PLK2: variants seen among roughly 807,000 people sequenced by gnomAD.
The protein encoded by PLK2 is serine/threonine-protein kinase PLK2.
PLK2 carries 25 observed loss-of-function variants against 78.1 expected under a neutral mutation model. The ratio of observed to expected loss-of-function variants is 0.32; its 90% CI spans 0.23 to 0.45. The LOEUF is 0.45. PLK2 is among the 20% of genes least tolerant of loss of function. The probability of loss-of-function intolerance (pLI) is 1.00; values close to 1 mark genes in which losing one functional copy is unlikely to be tolerated. For missense variants in PLK2, 566 were observed against 840.2 expected, an observed-to-expected ratio of 0.67 and a Z score of 4.04; for synonymous variants, 332 against 298.2, an observed-to-expected ratio of 1.11 and a Z score of -1.17.
At chr5:58,456,223 T>C (rs1743599988) in intron 9 of PLK2, 68 bp from the exon 10 acceptor site, 2 of 1,478,342 alleles carry the variant, frequency 1.4e-6, no homozygotes. Context: ...GAATTCCAGA[T>C]TAAGATGAGA....
chr5:58,458,227 T>G, intron 4 of PLK2, 56 bp from the exon 5 acceptor site: 1 of 1,355,580 alleles, frequency 7.4e-7, no homozygotes, highest in South Asian at 1.2e-5. Flanking sequence ...TCTAACCAAG[T>G]ACACACACAT....
intron 1 of PLK2, 144 bp from the exon 2 acceptor site, chr5:58,459,236 C>T: frequency 1.6e-6 from 1 of 617,712 alleles, no homozygotes; most frequent in Non-Finnish European, 2.9e-6. Context: ...GGGAGGCATT[C>T]GACTTCGTTA....
chr5:58,459,801 C>A lies in PLK2; in HGVS notation c.159G>T (p.Pro53=). Residue 53 remains proline, a synonymous_variant, in exon 1 of 14, where the codon CCG becomes CCT. Coordinates refer to ENST00000274289, the MANE Select transcript of PLK2 (RefSeq NM_006622.4). ...GGTGGTGATGGTGGTGAGGGGCCGC[C>A]GGGGGCACTTGCGCCTGGGACTGAG... ...QPPQSQAQVP[P]AAPHHHHHHS... The A allele has an allele frequency of 6.2e-7, 1 of 1,608,898 alleles. No homozygotes were observed.
intron 8 of PLK2, 100 bp from the exon 9 acceptor site, chr5:58,456,689 T>G: frequency 1.2e-6 from 1 of 804,498 alleles, no homozygotes; most frequent in South Asian, 1.8e-5. Flanking sequence ...GACCAACTTA[T>G]GAGCATCCTG....
At position 58,457,066 on chromosome 5, in the gene PLK2, A is replaced by G; in HGVS notation, c.1035T>C (p.Ser345=). Residue 345 remains serine (S), a synonymous_variant, in exon 8 of 14, where the codon TCT becomes TCC. Coordinates refer to ENST00000274289, the MANE Select transcript of PLK2 (RefSeq NM_006622.4). ...AATCTGGAACTGTATGACAACAGCT[A>G]GAAGACAGTCTGTCCGGAGTGAAGC... ...LQGFTPDRLS[S]SCCHTVPDFH... The G allele has an allele frequency of 6.2e-7, 1 of 1,613,816 alleles. No individual in the cohort carries two copies. Among genetic ancestry groups the G allele is most frequent in the Non-Finnish European group, 8.5e-7 (1 of 1,179,854 alleles).
At chr5:58,458,201 C>G (rs762106690) in intron 4 of PLK2, 30 bp from the exon 5 acceptor site, 1 of 1,493,930 alleles carries the variant, frequency 6.7e-7, no homozygotes, top group Non-Finnish European at 9.3e-7. Flanking sequence ...AAATGTGAAT[C>G]CCTTTGAAAA....
chr5:58,455,128 C>T, intron 12 of PLK2, 107 bp from the exon 13 acceptor site: 3 of 1,135,376 alleles, frequency 2.6e-6, no homozygotes, highest in South Asian at 1.4e-5. Context: ...ATCAGAATGG[C>T]TTTGGAAATC....
rs1326371047 is a variant in PLK2, at chr5:58,454,608, T to C, written c.2033A>G (p.Asn678Ser). Reference protein sequence around the residue: ...ELKNRMEYALNMLLQRCN With the variant: ...ELKNRMEYALSMLLQRCN Reference sequence around the variant, plus strand: ...TCAGTTACATCTTTGTAAGAGCATGTTCAGGGCATATTCCATTCGATTTTT... The same window carrying C: ...TCAGTTACATCTTTGTAAGAGCATGCTCAGGGCATATTCCATTCGATTTTT... Residue 678 changes from asparagine to serine, a missense_variant, in exon 14 of 14, where the codon AAC becomes AGC. This residue lies in a region of PLK2 where 130 missense variants were observed against 196.4 expected (regional missense o/e 0.66). Coordinates refer to ENST00000274289, the MANE Select transcript of PLK2 (RefSeq NM_006622.4). 2.5e-6 allele frequency: 4 copies of C among 1,613,162 alleles called. No individual in the cohort carries two copies. Among genetic ancestry groups the C allele is most frequent in the Non-Finnish European group, 3.4e-6 (4 of 1,179,552 alleles).
At position 58,458,161 on chromosome 5, in the gene PLK2, A is replaced by T; in HGVS notation, c.636T>A (p.Phe212Leu). 6.2e-7 allele frequency: 1 copy of T among 1,609,528 alleles called. No homozygotes were observed. Among genetic ancestry groups the T allele is most frequent in the Middle Eastern group, 1.7e-4 (1 of 6,054 alleles). Residue 212 changes from phenylalanine to leucine, a missense_variant, in exon 5 of 14, where the codon TTT becomes TTA. This residue lies in a region of PLK2 where 179 missense variants were observed against 342.3 expected (regional missense o/e 0.52). Transcript: ENST00000274289. ...LHRDLKLGNF[F>L]INEAMELKVG... is the part of the protein sequence containing the mutation. ...CTTTTAGTTCCATGGCTTCATTAATAAAAAAGTTCCCTAGACGATAAACAA... is the reference window on the plus strand; with the variant it reads ...CTTTTAGTTCCATGGCTTCATTAATTAAAAAGTTCCCTAGACGATAAACAA...
Position 58,454,979 on chromosome 5 carries a change from G to A in PLK2, c.1798C>T (p.Leu600Phe). The stretch of plus-strand genomic sequence containing the variant: ...GATTTTAGCCACTGAAGGAGGTAGA[G>A]CCGAGGTCTTCGAATATCAGTAACA... ...PSVTDIRRPR[L>F]YLLQWLKSDK... is the part of the protein sequence containing the mutation. The change falls in exon 13 of 14, where the codon CTC (leucine) becomes TTC (phenylalanine). Residue 600 changes from leucine to phenylalanine, a missense_variant. Leu to Phe is a conservative substitution (Grantham distance 22). Transcript: ENST00000274289. 1 of 1,612,980 alleles carries A rather than the reference G, an allele frequency of 6.2e-7. No homozygotes were observed. The highest frequency in any genetic ancestry group is 1.1e-5 in the South Asian group (1 of 91,070).
chr5:58,457,638 G>T (rs1050721422), intron 5 of PLK2, 55 bp from the exon 6 acceptor site: 7 of 1,007,138 alleles, frequency 7.0e-6, no homozygotes, highest in Admixed American at 6.9e-5. Flanking sequence ...ACTTAAACTT[G>T]GTTCTCTTGA....
intron 4 of PLK2, 30 bp downstream of exon 4, chr5:58,458,369 A>G: frequency 6.2e-7 from 1 of 1,611,002 alleles, no homozygotes; most frequent in East Asian, 2.2e-5. Context: ...ACTCTAACAC[A>G]AAACTCAGCT....
Position 58,459,681 on chromosome 5 carries a change from G to A in PLK2, c.270+9C>T, listed in dbSNP as rs1342244959. 3.2e-6 allele frequency: 5 copies of A among 1,553,264 alleles called. No individual in the cohort carries two copies. Among genetic ancestry groups the A allele is most frequent in the Non-Finnish European group, 3.5e-6 (4 of 1,147,874 alleles). ...CCCGCCCGGCAGCCCGGCGCCCTCCGCTTGTCACCTTTCCCAGCACTTTGC... is the reference window on the plus strand; with the variant it reads ...CCCGCCCGGCAGCCCGGCGCCCTCCACTTGTCACCTTTCCCAGCACTTTGC... On this transcript the variant is annotated intron_variant, in intron 1 of 13. Coordinates refer to ENST00000274289, the MANE Select transcript of PLK2 (RefSeq NM_006622.4).
At position 58,459,884 on chromosome 5, in the gene PLK2, A is replaced by G; in HGVS notation, c.76T>C (p.Cys26Arg). 1 of 1,611,982 alleles carries G rather than the reference A, an allele frequency of 6.2e-7. No homozygotes were observed. Among genetic ancestry groups the G allele is most frequent in the Non-Finnish European group, 8.5e-7 (1 of 1,179,768 alleles). Residue 26 changes from cysteine to arginine, a missense_variant, in exon 1 of 14, where the codon TGC becomes CGC. Around this residue, in one of 5 missense-constraint regions of PLK2, gnomAD observed 127 missense variants for 122.5 expected, o/e 1.04. Transcript: ENST00000274289. Reference protein sequence around the residue: ...KMCEQALGKGCGADSKKKRPP... With the variant: ...KMCEQALGKGRGADSKKKRPP... ...CGCTTCTTCTTCGAGTCCGCTCCGC[A>G]ACCCTTGCCCAGCGCCTGCTCGCAC...
In PLK2 at chr5:58,454,069, G is replaced by A. The variant is rs565296922; in HGVS notation, c.*514C>T. 6.6e-6 allele frequency: 1 copy of A among 152,630 alleles called. No individual in the cohort carries two copies. The highest frequency in any genetic ancestry group is 2.1e-4 in the South Asian group (1 of 4,820). 9.5% of individuals were successfully genotyped at this position (152,630 alleles called of 1,614,324 possible). A position where few individuals can be genotyped will look rare whatever the true frequency, so the allele number is the denominator to read the frequency against. ...ATTTTGATAATAAATACTGCTCTTT[G>A]GGCTGTAATAAATAAAAAGTTTATT... On this transcript the variant is annotated 3_prime_UTR_variant, in exon 14 of 14. Transcript: ENST00000274289.
intron 4 of PLK2, 60 bp from the exon 5 acceptor site, chr5:58,458,231 C>T (rs1743659879): frequency 1.5e-6 from 2 of 1,348,860 alleles, no homozygotes; most frequent in African/African-American, 2.9e-5. Flanking sequence ...ACCAAGTACA[C>T]ACACATCCAC....
rs772449059 is a variant in PLK2, at chr5:58,456,094, T to A, written c.1316A>T (p.Gln439Leu). The A allele has an allele frequency of 6.2e-7, 1 of 1,614,100 alleles. No individual in the cohort carries two copies. The highest frequency in any genetic ancestry group is 1.1e-5 in the South Asian group (1 of 91,086). ...RSGTPAVENK[Q>L]QIGDAIRMIV... The stretch of plus-strand genomic sequence containing the variant: ...CATCCGAATAGCATCCCCAATCTGC[T>A]GCTTGTTTTCTACTGCGGGTGTTCC... The change falls in exon 10 of 14, where the codon CAG (glutamine) becomes CTG (leucine). Residue 439 changes from glutamine to leucine, a missense_variant. Physicochemically the swap from Gln to Leu is moderately radical, Grantham distance 113. This residue lies in a region of PLK2 where 129 missense variants were observed against 156.0 expected (regional missense o/e 0.83). Coordinates refer to ENST00000274289, the MANE Select transcript of PLK2 (RefSeq NM_006622.4).
At chr5:58,458,602 G>A (rs1743671895) in intron 3 of PLK2, 74 bp from the exon 4 acceptor site, 1 of 1,464,974 alleles carries the variant, frequency 6.8e-7, no homozygotes, top group African/African-American at 1.4e-5. Flanking sequence ...TTTGCAGGAT[G>A]AGCAATGAAA....
Position 58,454,421 on chromosome 5 carries a change from T to A in PLK2, c.*162A>T. ...TGTCCAAAGTCAAGAACTGTATGCC[T>A]TAGCCTGTTCTGGTTCCAACCAGTC... On this transcript the variant is annotated 3_prime_UTR_variant, in exon 14 of 14. Coordinates refer to ENST00000274289, the MANE Select transcript of PLK2 (RefSeq NM_006622.4). 1 of 585,274 alleles carries A rather than the reference T, an allele frequency of 1.7e-6. No individual in the cohort carries two copies. Among genetic ancestry groups the A allele is most frequent in the Non-Finnish European group, 3.0e-6 (1 of 328,732 alleles). 36.3% of individuals were successfully genotyped at this position (585,274 alleles called of 1,614,324 possible).
Sources: allele counts gnomAD v4.1 joint callset, GRCh38; gene constraint gnomAD v4.1.1; regional missense constraint gnomAD v4.1.1; transcripts MANE v1.5; gene names NCBI Gene and HGNC (gene_info 2026-07-23, HGNC 2026-07-21).